LHX4: variants seen among roughly 807,000 people sequenced by gnomAD.
The protein encoded by LHX4 is LIM homeobox 4, also known as LIM/homeobox protein Lhx4.
In LHX4, 16 loss-of-function variants were observed where a neutral mutation model predicts 39.2. That is an observed-to-expected ratio of 0.41 (90% CI 0.28 to 0.62). LHX4 has a LOEUF of 0.62. Ranked by LOEUF, LHX4 falls within the 20% of genes least tolerant of loss-of-function variation. LHX4 has a pLI of 0.33. For missense variants in LHX4, 439 were observed against 511.9 expected, an observed-to-expected ratio of 0.86 and a Z score of 1.37; for synonymous variants, 206 against 198.1, an observed-to-expected ratio of 1.04 and a Z score of -0.33.
intron 2 of LHX4, among the ~76,000 whole-genome samples, chr1:180,258,676 C>T (rs1410338326): frequency 6.6e-6 from 1 of 152,124 alleles, no homozygotes; most frequent in Non-Finnish European, 1.5e-5. Context: ...TGGTAGTTCA[C>T]TTCTATTGTC....
chr1:180,230,101 G>T (rs1255625713), upstream of LHX4, among the ~76,000 whole-genome samples: 6 of 151,968 alleles, frequency 3.9e-5, no homozygotes, highest in South Asian at 2.1e-4. The surrounding 1 kb of genome is among the most constrained non-coding windows in gnomAD (Gnocchi z 5.8). Context: ...GTTGGGGGAT[G>T]TGCCGAAGGG....
At chr1:180,245,969 G>A (rs1186316679) in intron 1 of LHX4, among the ~76,000 whole-genome samples, 2 of 151,942 alleles carry the variant, frequency 1.3e-5, no homozygotes, top group African/African-American at 2.4e-5. Flanking sequence ...CTGATTGACT[G>A]GACTGCGTAT....
At chr1:180,267,519 C>T (rs1416758193) in intron 3 of LHX4, among the ~76,000 whole-genome samples, 2 of 152,246 alleles carry the variant, frequency 1.3e-5, no homozygotes, top group Non-Finnish European at 2.9e-5. Flanking sequence ...TCTGGCTTCT[C>T]ACTCCCAGAT....
chr1:180,229,757 T>C (rs1234979893), upstream of LHX4, among the ~76,000 whole-genome samples: 1 of 150,034 alleles, frequency 6.7e-6, no homozygotes, highest in Non-Finnish European at 1.5e-5. Flanking sequence ...CCTGCCCCGC[T>C]CGGCCCCGGC....
Position 180,276,255 on chromosome 1 carries a change from T to C in LHX4, c.*1676T>C, listed in dbSNP as rs1255221890. 6.6e-6 allele frequency: 1 copy of C among 152,230 alleles called. No individual in the cohort carries two copies. Among genetic ancestry groups the C allele is most frequent in the Non-Finnish European group, 1.5e-5 (1 of 68,044 alleles). The allele number at this position is 152,230 out of a possible 1,614,324, so 9.4% of individuals were successfully genotyped here. On this transcript the variant is annotated 3_prime_UTR_variant, in exon 6 of 6. Transcript: ENST00000263726. ...TTTGAGGACTGCAAAGACTTAGGCATGTCATAGGCAGACTAAAGGAAGAAT... is the reference window on the plus strand; with the variant it reads ...TTTGAGGACTGCAAAGACTTAGGCACGTCATAGGCAGACTAAAGGAAGAAT...
intron 2 of LHX4, among the ~76,000 whole-genome samples, chr1:180,254,158 C>T (rs546127795): frequency 9.3e-4 from 142 of 152,238 alleles, no homozygotes; most frequent in Non-Finnish European, 1.4e-3. Flanking sequence ...CGTCAGGGGG[C>T]GTGGAGTGAC....
At chr1:180,255,856 T>A (rs1005936954) in intron 2 of LHX4, among the ~76,000 whole-genome samples, 2 of 152,204 alleles carry the variant, frequency 1.3e-5, no homozygotes, top group Non-Finnish European at 2.9e-5. Flanking sequence ...CTTAGAGGAA[T>A]CTGTTTGGAA....
chr1:180,267,506 A>G (rs1648371716), intron 3 of LHX4, among the ~76,000 whole-genome samples: 1 of 152,058 alleles, frequency 6.6e-6, no homozygotes, highest in African/African-American at 2.4e-5. Flanking sequence ...CTGCAGCCCT[A>G]CCTCTGGCTT....
At position 180,277,953 on chromosome 1, in the gene LHX4, C is replaced by T. The variant is rs1225735669; in HGVS notation, c.*3374C>T. 2 of 152,018 alleles carry T rather than the reference C, an allele frequency of 1.3e-5. No homozygotes were observed. Among genetic ancestry groups the T allele is most frequent in the Non-Finnish European group, 2.9e-5 (2 of 68,028 alleles). 9.4% of individuals were successfully genotyped at this position (152,018 alleles called of 1,614,324 possible). On this transcript the variant is annotated 3_prime_UTR_variant, in exon 6 of 6. Coordinates refer to ENST00000263726, the MANE Select transcript of LHX4 (RefSeq NM_033343.4). ...GATCTTCATCATTAAACTCACTTTG[C>T]AAGGAAGTGTAAGAAATCTGTAAAA...
rs539573786 is a variant in LHX4 at position 180,232,933 on chromosome 1, G to T, written c.76+2328G>T. 6.6e-5 allele frequency among the ~76,000 whole-genome samples: 10 copies of T among 152,286 alleles called. No individual in the cohort carries two copies. Among genetic ancestry groups the T allele is most frequent in the African/African-American group, 2.4e-4 (10 of 41,554 alleles). On this transcript the variant is annotated intron_variant, in intron 1 of 5. Transcript: ENST00000263726. This position sits in a 1 kb window ranked among gnomAD's most constrained non-coding sequence, Gnocchi z 5.4. ...GACAAAAGAAACGCTCTCCCACAGGGGTCCCTCCAGTCGCCAACTAGAAGG... is the reference window on the plus strand; with the variant it reads ...GACAAAAGAAACGCTCTCCCACAGGTGTCCCTCCAGTCGCCAACTAGAAGG...
intron 1 of LHX4, among the ~76,000 whole-genome samples, chr1:180,231,592 G>A (rs946426886): frequency 4.0e-5 from 6 of 150,082 alleles, no homozygotes; most frequent in African/African-American, 1.2e-4. Flanking sequence ...AGCGCCGGGA[G>A]AGTCCTGCCC....
At chr1:180,249,447 G>A (rs1242181958) in intron 2 of LHX4, among the ~76,000 whole-genome samples, 6 of 152,216 alleles carry the variant, frequency 3.9e-5, no homozygotes, top group East Asian at 1.9e-4. Flanking sequence ...GCCAAGAGCC[G>A]GAGGTGGGGG....
chr1:180,230,244 G>A (rs1275989027), upstream of LHX4: 6 of 485,074 alleles, frequency 1.2e-5, no homozygotes, highest in African/African-American at 4.7e-5. The surrounding 1 kb of genome is among the most constrained non-coding windows in gnomAD (Gnocchi z 5.8). Context: ...GCGGGCGGGG[G>A]AGGGAAGAGG....
intron 1 of LHX4, among the ~76,000 whole-genome samples, chr1:180,240,195 T>G (rs1256223497): frequency 6.6e-6 from 1 of 152,150 alleles, no homozygotes. Context: ...TAAACATTAT[T>G]CCCTTTTAAA....
intron 2 of LHX4, among the ~76,000 whole-genome samples, chr1:180,258,233 G>A (rs764466448): frequency 6.6e-6 from 1 of 152,192 alleles, no homozygotes; most frequent in Admixed American, 6.5e-5. Flanking sequence ...GGGTCCAGGG[G>A]TGTCCCCCTG....
At chr1:180,243,864 T>A (rs1647277160) in intron 1 of LHX4, among the ~76,000 whole-genome samples, 1 of 150,968 alleles carries the variant, frequency 6.6e-6, no homozygotes, top group African/African-American at 2.4e-5. Context: ...GTGTTGAGAC[T>A]CTCTCTGCCA....
chr1:180,248,670 T>C (rs986398906), intron 2 of LHX4: 1 of 635,580 alleles, frequency 1.6e-6, no homozygotes, highest in Non-Finnish European at 2.9e-6. Flanking sequence ...AGACCTCATT[T>C]GATCTCTGCA....
intron 3 of LHX4, among the ~76,000 whole-genome samples, chr1:180,269,410 A>G (rs1289373769): frequency 6.6e-6 from 1 of 152,196 alleles, no homozygotes; most frequent in African/African-American, 2.4e-5. Context: ...CTTGGATGAC[A>G]TTGTTATGGG....
At position 180,278,218 on chromosome 1, in the gene LHX4, T is replaced by C. The variant is rs1016996914; in HGVS notation, c.*3639T>C. On this transcript the variant is annotated 3_prime_UTR_variant, in exon 6 of 6. Coordinates refer to ENST00000263726, the MANE Select transcript of LHX4 (RefSeq NM_033343.4). ...AGGCTCATTTTTAAACACTGCACTTTAAAAATTGGAAACCGTGAGATGAAG... is the reference window on the plus strand; with the variant it reads ...AGGCTCATTTTTAAACACTGCACTTCAAAAATTGGAAACCGTGAGATGAAG... The C allele has an allele frequency of 3.3e-5, 5 of 152,178 alleles. No homozygotes were observed. Among genetic ancestry groups the C allele is most frequent in the African/African-American group, 9.7e-5 (4 of 41,438 alleles). The allele number at this position is 152,178 out of a possible 1,614,324, so 9.4% of individuals were successfully genotyped here. A position where few individuals can be genotyped will look rare whatever the true frequency, so the allele number is the denominator to read the frequency against.
Sources: allele counts gnomAD v4.1 joint callset (sites outside exome capture counted in the v4.1 genomes callset), GRCh38; gene constraint gnomAD v4.1.1; non-coding constraint Gnocchi (gnomAD v3.1); transcripts MANE v1.5; gene names NCBI Gene and HGNC (gene_info 2026-07-23, HGNC 2026-07-21).